LHX4: variants seen among roughly 807,000 people sequenced by gnomAD.
The protein encoded by LHX4 is LIM/homeobox protein Lhx4.
LHX4 carries 16 observed loss-of-function variants against 39.2 expected under a neutral mutation model. The ratio of observed to expected loss-of-function variants is 0.41; its 90% confidence interval spans 0.28 to 0.62. LHX4 has a LOEUF of 0.62. Among genes scored for constraint, LHX4 ranks in the 20% least tolerant of loss-of-function variants. LHX4 has a pLI of 0.33. For missense variants in LHX4, 439 were observed against 511.9 expected, an observed-to-expected ratio of 0.86 and a Z score of 1.37; for synonymous variants, 206 against 198.1, an observed-to-expected ratio of 1.04 and a Z score of -0.33.
rs1459585436 is a variant in LHX4, at chr1:180,234,068, T to A, written c.76+3463T>A. The stretch of plus-strand genomic sequence containing the variant: ...TTAAGGGGGTGAGATGGATTCACTG[T>A]CCAAGACAGGAGTTCACTCAAACGC... On this transcript the variant is annotated intron_variant, in intron 1 of 5. Coordinates refer to ENST00000263726, the MANE Select transcript of LHX4 (RefSeq NM_033343.4). This position sits in a 1 kb window ranked among gnomAD's most constrained non-coding sequence, Gnocchi z 4.8. Among the ~76,000 whole-genome samples the A allele has an allele frequency of 6.7e-6, 1 of 149,590 alleles. No individual in the cohort carries two copies. The highest frequency in any genetic ancestry group is 1.5e-5 in the Non-Finnish European group (1 of 67,388).
At chr1:180,261,163 G>A (rs987207807) in intron 2 of LHX4, among the ~76,000 whole-genome samples, 3 of 151,742 alleles carry the variant, frequency 2.0e-5, no homozygotes, top group African/African-American at 7.3e-5. Context: ...GGCCAAGATG[G>A]GAGGAGGCGG....
chr1:180,238,396 TGTC>T (rs1664373804), intron 1 of LHX4, among the ~76,000 whole-genome samples: 1 of 152,242 alleles, frequency 6.6e-6, no homozygotes, highest in Non-Finnish European at 1.5e-5. Flanking sequence ...GCTAGTCATT[TGTC>T]AAGACAAACT....
At chr1:180,249,741 A>T (rs1647525525) in intron 2 of LHX4, among the ~76,000 whole-genome samples, 1 of 152,242 alleles carries the variant, frequency 6.6e-6, no homozygotes, top group Non-Finnish European at 1.5e-5. Context: ...ACATTTCTTT[A>T]GTGCAGTGAG....
In LHX4 at chr1:180,230,978, C is replaced by A. The variant is rs560741068; in HGVS notation, c.76+373C>A. ...AATCTTCTTTCGCCGGCGTGACGGT[C>A]AGCGCTTGCAGGACCGCTAGTGCAA... On this transcript the variant is annotated intron_variant, in intron 1 of 5. Coordinates refer to ENST00000263726, the MANE Select transcript of LHX4 (RefSeq NM_033343.4). This position sits in a 1 kb window ranked among gnomAD's most constrained non-coding sequence, Gnocchi z 5.8. Among the ~76,000 whole-genome samples the A allele has an allele frequency of 6.6e-6, 1 of 152,128 alleles. No individual in the cohort carries two copies. Among genetic ancestry groups the A allele is most frequent in the Admixed American group, 6.5e-5 (1 of 15,274 alleles).
intron 1 of LHX4, among the ~76,000 whole-genome samples, chr1:180,241,545 A>G (rs561996471): frequency 6.6e-5 from 10 of 152,330 alleles, no homozygotes; most frequent in Non-Finnish European, 1.5e-4. Flanking sequence ...TGATGTGGCC[A>G]TAACACAGCT....
At chr1:180,251,679 C>A (rs1571268200) in intron 2 of LHX4, among the ~76,000 whole-genome samples, 1 of 152,178 alleles carries the variant, frequency 6.6e-6, no homozygotes, top group East Asian at 1.9e-4. Context: ...TGCTGCAAGG[C>A]GTCTTTGAGT....
intron 1 of LHX4, among the ~76,000 whole-genome samples, chr1:180,243,274 C>G (rs527581867): frequency 6.6e-6 from 1 of 152,088 alleles, no homozygotes; most frequent in African/African-American, 2.4e-5. Flanking sequence ...CAGATGTGAG[C>G]CACTGTACCT....
intron 1 of LHX4, among the ~76,000 whole-genome samples, chr1:180,239,588 G>A (rs537130794): frequency 2.6e-5 from 4 of 152,316 alleles, no homozygotes; most frequent in South Asian, 2.1e-4. Flanking sequence ...AAAAGGTTTT[G>A]GGCAAAAATC....
Position 180,230,420 on chromosome 1 carries a change from T to A in LHX4, c.-110T>A. The A allele has an allele frequency of 1.1e-6, 1 of 951,922 alleles. No individual in the cohort carries two copies. Among genetic ancestry groups the A allele is most frequent in the Non-Finnish European group, 1.6e-6 (1 of 610,578 alleles). 59.0% of individuals were successfully genotyped at this position (951,922 alleles called of 1,614,324 possible). A position where few individuals can be genotyped will look rare whatever the true frequency, so the allele number is the denominator to read the frequency against. On this transcript the variant is annotated 5_prime_UTR_variant, in exon 1 of 6. Coordinates refer to ENST00000263726, the MANE Select transcript of LHX4 (RefSeq NM_033343.4). The surrounding 1 kb of genome is among the most constrained non-coding windows in gnomAD (Gnocchi z 5.8). ...CGGAGGGCCCGGCTTCCACCGTGAC[T>A]CCAGCGGCCTGCTTGGGGTTTTAAT...
intron 2 of LHX4, among the ~76,000 whole-genome samples, chr1:180,255,736 G>A (rs894269902): frequency 2.0e-5 from 3 of 152,348 alleles, no homozygotes; most frequent in African/African-American, 7.2e-5. Context: ...TTGTCTGCCC[G>A]CCCCAGAGCG....
At chr1:180,242,596 C>T (rs1664467001) in intron 1 of LHX4, among the ~76,000 whole-genome samples, 1 of 152,030 alleles carries the variant, frequency 6.6e-6, no homozygotes, top group African/African-American at 2.4e-5. Context: ...TAGGTCTATG[C>T]CTCGACTATG....
intron 5 of LHX4, chr1:180,273,357 G>A (rs1648810835): frequency 6.6e-6 from 1 of 152,404 alleles, no homozygotes; most frequent in Non-Finnish European, 1.5e-5. Flanking sequence ...TTCTTGGCAG[G>A]ATTGGGAAAG....
At chr1:180,267,340 A>C (rs1017305711) in intron 3 of LHX4, among the ~76,000 whole-genome samples, 6 of 152,282 alleles carry the variant, frequency 3.9e-5, no homozygotes, top group Non-Finnish European at 2.9e-5. Flanking sequence ...TCCCGCATTT[A>C]GCAGCCACGC....
upstream of LHX4, among the ~76,000 whole-genome samples, chr1:180,229,415 G>C (rs959168926): frequency 1.2e-4 from 19 of 152,122 alleles, no homozygotes; most frequent in African/African-American, 4.3e-4. Flanking sequence ...GCGGTCTGCG[G>C]GGACGCGCGC....
Position 180,273,726 on chromosome 1 carries a change from TC to T in LHX4, c.779-457del, listed in dbSNP as rs1165987301. ...ATTTTGTACAGATGTCTAAGAGTGG[TC>T]CTCAGCTTCCCTGACCATATGGGCC... On this transcript the variant is annotated intron_variant, in intron 5 of 5. Transcript: ENST00000263726. 8 of 199,518 alleles carry T rather than the reference TC, an allele frequency of 4.0e-5. No homozygotes were observed. The Admixed American group carries it at 4.3e-4, about 11-fold the overall frequency. 12.4% of individuals were successfully genotyped at this position (199,518 alleles called of 1,614,324 possible).
intron 2 of LHX4, among the ~76,000 whole-genome samples, chr1:180,255,209 A>G (rs997997853): frequency 5.3e-5 from 8 of 152,228 alleles, no homozygotes; most frequent in African/African-American, 1.9e-4. Flanking sequence ...CCCCAGAAAG[A>G]GGCAGCCTCA....
chr1:180,264,111 C>T (rs1220282434), intron 2 of LHX4, among the ~76,000 whole-genome samples: 1 of 152,040 alleles, frequency 6.6e-6, no homozygotes, highest in South Asian at 2.1e-4. Flanking sequence ...ACTACAGGTG[C>T]ACACCACTAC....
chr1:180,259,817 G>C (rs1648030638), intron 2 of LHX4, among the ~76,000 whole-genome samples: 1 of 151,648 alleles, frequency 6.6e-6, no homozygotes, highest in Non-Finnish European at 1.5e-5. Context: ...CAAGGGGAAG[G>C]GCAGTCCCTG....
intron 1 of LHX4, among the ~76,000 whole-genome samples, chr1:180,238,340 T>A (rs1266549294): frequency 6.6e-6 from 1 of 152,206 alleles, no homozygotes; most frequent in Non-Finnish European, 1.5e-5. Flanking sequence ...GCTTCAGGTG[T>A]GATCATTTCT....
Sources: gnomAD v4.1 joint callset for allele counts (sites outside exome capture counted in the v4.1 genomes callset) on GRCh38, gnomAD v4.1.1 for gene constraint, Gnocchi (gnomAD v3.1) non-coding constraint, MANE v1.5 for transcripts, NCBI Gene and HGNC (gene_info 2026-07-23, HGNC 2026-07-21) for gene names.